Variants in RAP1A observed in about 807,000 individuals in gnomAD.
The protein encoded by RAP1A is RAP1A, member of RAS oncogene family.
Under a neutral mutation model 26.4 loss-of-function variants are expected in RAP1A, and 6 were observed. The ratio of observed to expected loss-of-function variants is 0.23; its 90% CI spans 0.12 to 0.45. The LOEUF (loss-of-function observed/expected upper bound fraction) is 0.45, where lower values mean the gene tolerates loss of function less well. Among genes scored for constraint, RAP1A ranks in the 20% least tolerant of loss-of-function variants. The probability of loss-of-function intolerance (pLI) is 0.99; values close to 1 mark genes in which losing one functional copy is unlikely to be tolerated. For missense variants in RAP1A, 121 were observed against 217.2 expected, an observed-to-expected ratio of 0.56 and a Z score of 2.78; for synonymous variants, 73 against 79.4, an observed-to-expected ratio of 0.92 and a Z score of 0.43.
intron 1 of RAP1A, among the ~76,000 whole-genome samples, chr1:111,572,201 A>C (rs894592011): frequency 6.6e-6 from 1 of 152,246 alleles, no homozygotes; most frequent in Non-Finnish European, 1.5e-5. Context: ...GCTGCCTTTC[A>C]GAAGCTTCTT....
At chr1:111,622,099 A>G (rs553524670) in intron 1 of RAP1A, among the ~76,000 whole-genome samples, 14 of 152,362 alleles carry the variant, frequency 9.2e-5, no homozygotes, top group Admixed American at 1.3e-4. Flanking sequence ...CAATTTTGCA[A>G]TCACTGAAAA....
chr1:111,555,362 T>TAAAAAAAAAAAAAAAAA (rs397981230), intron 1 of RAP1A, among the ~76,000 whole-genome samples: 1 of 47,650 alleles, frequency 2.1e-5, no homozygotes, highest in African/African-American at 1.2e-4. Context: ...TGAGACTCTG[T>TAAAAAAAAAAAAAAAAA]AAAAAAAAAA....
chr1:111,555,519 A>T (rs1388049198), intron 1 of RAP1A, among the ~76,000 whole-genome samples: 1 of 152,094 alleles, frequency 6.6e-6, no homozygotes, highest in Non-Finnish European at 1.5e-5. Flanking sequence ...AAATTGAAGA[A>T]TAGCTGAAGA....
In RAP1A at chr1:111,709,921, G is replaced by A. The variant is rs183410250; in HGVS notation, c.*29+657G>A. Among the ~76,000 whole-genome samples the A allele has an allele frequency of 1.2e-3, 183 of 152,162 alleles. 2 individuals are homozygous for A. Among genetic ancestry groups the A allele is most frequent in the South Asian group, 3.1e-3 (15 of 4,818 alleles). ...GTGTTCATTTAAGTTCTTTCTTTGG[G>A]GGAATTAGTATGAATAATTCTGTGC... is the stretch of plus-strand genomic sequence containing the variant. On this transcript the variant is annotated intron_variant, in intron 7 of 7. Transcript: ENST00000369709.
At chr1:111,557,001 T>C (rs973225459) in intron 1 of RAP1A, among the ~76,000 whole-genome samples, 1 of 152,016 alleles carries the variant, frequency 6.6e-6, no homozygotes, top group Non-Finnish European at 1.5e-5. Context: ...ATGCAAATAT[T>C]CAACTTAAGG....
chr1:111,694,948 G>GA (rs1661780503), intron 2 of RAP1A, among the ~76,000 whole-genome samples: 1 of 151,998 alleles, frequency 6.6e-6, no homozygotes, highest in African/African-American at 2.4e-5. Flanking sequence ...AAAAAAATTA[G>GA]AACCTTTGTC....
rs958521474 is a variant in RAP1A, at chr1:111,714,204, T to C, written c.*1803T>C. 2 of 152,216 alleles carry C rather than the reference T, an allele frequency of 1.3e-5. No individual in the cohort carries two copies. Among genetic ancestry groups the C allele is most frequent in the African/African-American group, 2.4e-5 (1 of 41,452 alleles). The allele number at this position is 152,216 out of a possible 1,614,324, so 9.4% of individuals were successfully genotyped here. A position where few individuals can be genotyped will look rare whatever the true frequency, so the allele number is the denominator to read the frequency against. On this transcript the variant is annotated 3_prime_UTR_variant, in exon 8 of 8. Coordinates refer to ENST00000369709, the MANE Select transcript of RAP1A (RefSeq NM_002884.4). ...TTACCTTACACTTCCCTTCTACTTA[T>C]CCAATTATGCATATGTCTGGGATTG... is the stretch of plus-strand genomic sequence containing the variant.
chr1:111,698,836 A>C (rs1429294679), intron 4 of RAP1A, among the ~76,000 whole-genome samples: 4 of 151,946 alleles, frequency 2.6e-5, no homozygotes, highest in Non-Finnish European at 4.4e-5. Context: ...GAATCAAGCT[A>C]TCTCTCCCTC....
chr1:111,590,684 G>C (rs953268988), intron 1 of RAP1A, among the ~76,000 whole-genome samples: 5 of 151,706 alleles, frequency 3.3e-5, no homozygotes, highest in Non-Finnish European at 7.4e-5. Context: ...GCCTCCCAAA[G>C]TGCTGGGATT....
At chr1:111,706,991 T>C (rs1479297207) in intron 6 of RAP1A, among the ~76,000 whole-genome samples, 1 of 152,256 alleles carries the variant, frequency 6.6e-6, no homozygotes, top group Admixed American at 6.5e-5. Context: ...AAAACTCATT[T>C]GTGGCTTAAG....
At chr1:111,706,100 C>T (rs1037523065) in intron 6 of RAP1A, among the ~76,000 whole-genome samples, 8 of 152,198 alleles carry the variant, frequency 5.3e-5, no homozygotes, top group East Asian at 1.9e-4. Flanking sequence ...AGTTTATAAA[C>T]GAGGGTTTAT....
intron 1 of RAP1A, among the ~76,000 whole-genome samples, chr1:111,621,500 T>C (rs1438216058): frequency 6.6e-6 from 1 of 152,230 alleles, no homozygotes; most frequent in Non-Finnish European, 1.5e-5. Flanking sequence ...CTACTTCAGA[T>C]ACGATTAGCT....
intron 1 of RAP1A, among the ~76,000 whole-genome samples, chr1:111,597,807 T>C (rs1453441256): frequency 6.6e-6 from 1 of 152,158 alleles, no homozygotes; most frequent in South Asian, 2.1e-4. Context: ...ACATTCTAGG[T>C]CTCATGCCGC....
chr1:111,680,884 A>C (rs929692510), intron 1 of RAP1A: 2 of 152,282 alleles, frequency 1.3e-5, no homozygotes, highest in Admixed American at 1.3e-4. Context: ...CAAAAACCTC[A>C]TCCAAAGGTC....
In RAP1A at chr1:111,697,327, G is replaced by A. The variant is rs971527447; in HGVS notation, c.127-114G>A. The A allele has an allele frequency of 3.8e-6, 6 of 1,569,776 alleles. No individual in the cohort carries two copies. In the African/African-American group the frequency reaches 8.1e-5, roughly 21 times the overall value. ...TTACCCCCAGCCATTACAGCATACT[G>A]CTGGAGACAGGCTTTGTATTTGTTA... On this transcript the variant is annotated intron_variant, in intron 3 of 7. Transcript: ENST00000369709.
chr1:111,607,631 C>A (rs1403373981), intron 1 of RAP1A, among the ~76,000 whole-genome samples: 3 of 148,348 alleles, frequency 2.0e-5, no homozygotes, highest in East Asian at 2.0e-4. Flanking sequence ...GGTGGCTGGC[C>A]GGGCGGGGGG....
intron 1 of RAP1A, among the ~76,000 whole-genome samples, chr1:111,658,990 C>T (rs1187294602): frequency 6.6e-6 from 1 of 152,198 alleles, no homozygotes; most frequent in African/African-American, 2.4e-5. Flanking sequence ...ATGTAATACT[C>T]TTCTTCATAC....
chr1:111,634,599 T>TTATATATATATATATATATATATA (rs141253898), intron 1 of RAP1A, among the ~76,000 whole-genome samples: 1 of 149,762 alleles, frequency 6.7e-6, no homozygotes, highest in Non-Finnish European at 1.5e-5. Flanking sequence ...AACTTTACAT[T>TTATATATATATATATATATATATA]TATATATATA....
At chr1:111,599,338 T>A (rs917166427) in intron 1 of RAP1A, among the ~76,000 whole-genome samples, 1 of 152,276 alleles carries the variant, frequency 6.6e-6, no homozygotes, top group South Asian at 2.1e-4. Context: ...CCTGAGTAGC[T>A]GGGACTACAG....
Sources: allele counts gnomAD v4.1 joint callset (sites outside exome capture counted in the v4.1 genomes callset), GRCh38; gene constraint gnomAD v4.1.1; transcripts MANE v1.5; gene names NCBI Gene and HGNC (gene_info 2026-07-23, HGNC 2026-07-21).